MLIP: variants seen among roughly 807,000 people sequenced by gnomAD.
MLIP encodes muscular LMNA-interacting protein.
In MLIP, 79 loss-of-function variants were observed where a neutral mutation model predicts 84.8. The observed-to-expected ratio is 0.93, with a 90% CI of 0.78 to 1.12. The LOEUF (loss-of-function observed/expected upper bound fraction) is 1.12. MLIP is among the 50% of genes most tolerant of loss of function. The pLI is 0.00. For synonymous variants in MLIP, 504 were observed against 463.0 expected (o/e 1.09, Z -1.14); for missense variants, 1,257 against 1,160.6 (o/e 1.08, Z -1.21).
chr6:54,081,016 T>C (rs1008254440), intron 1 of MLIP, among the ~76,000 whole-genome samples: 2 of 152,162 alleles, frequency 1.3e-5, no homozygotes, highest in Non-Finnish European at 2.9e-5. Context: ...CTAAGATTCA[T>C]GATTTTATGA....
At chr6:54,038,469 ACT>A (rs1379641777) in intron 1 of MLIP, among the ~76,000 whole-genome samples, 7 of 150,796 alleles carry the variant, frequency 4.6e-5, no homozygotes, top group African/African-American at 7.3e-5. Context: ...TTTATTAAAA[ACT>A]CTGTTCTTTA....
intron 10 of MLIP, among the ~76,000 whole-genome samples, chr6:54,190,299 A>G (rs1425508349): frequency 6.6e-6 from 1 of 152,176 alleles, no homozygotes; most frequent in Non-Finnish European, 1.5e-5. Flanking sequence ...TAAGAAATAG[A>G]TATGTCACAC....
At chr6:54,167,433 T>C (rs1775310317) in intron 8 of MLIP, among the ~76,000 whole-genome samples, 1 of 151,868 alleles carries the variant, frequency 6.6e-6, no homozygotes, top group African/African-American at 2.4e-5. Context: ...TCAGTGATCA[T>C]TTTATAGTTT....
At chr6:54,160,316 C>T in intron 5 of MLIP, 51 bp from the exon 6 acceptor site, 1 of 1,439,854 alleles carries the variant, frequency 6.9e-7, no homozygotes, top group Non-Finnish European at 9.7e-7. Flanking sequence ...CTTTTCTACT[C>T]CAGTTGTATG....
At chr6:54,145,731 G>A (rs959493946) in intron 4 of MLIP, among the ~76,000 whole-genome samples, 5 of 151,446 alleles carry the variant, frequency 3.3e-5, no homozygotes, top group South Asian at 4.2e-4. Context: ...AGTTGTGATC[G>A]CACCATGGCT....
chr6:54,066,767 C>G (rs1164297165), intron 1 of MLIP, among the ~76,000 whole-genome samples: 1 of 99,214 alleles, frequency 1.0e-5, no homozygotes, highest in African/African-American at 2.6e-5. Flanking sequence ...CTGTGGGAAG[C>G]TACAGGGATA....
intron 12 of MLIP, among the ~76,000 whole-genome samples, chr6:54,245,168 G>A (rs1294418556): frequency 1.3e-5 from 2 of 152,130 alleles, no homozygotes; most frequent in South Asian, 2.1e-4. Context: ...TCCTTCGTGT[G>A]ATATGTTAAA....
intron 9 of MLIP, among the ~76,000 whole-genome samples, chr6:54,184,575 G>C (rs1777206966): frequency 6.6e-6 from 1 of 152,184 alleles, no homozygotes; most frequent in Admixed American, 6.5e-5. Flanking sequence ...CTCCAAAGCT[G>C]GCTTTGGGCA....
At chr6:54,146,710 G>A (rs185224912) in intron 4 of MLIP, among the ~76,000 whole-genome samples, 5 of 152,160 alleles carry the variant, frequency 3.3e-5, no homozygotes, top group Admixed American at 3.3e-4. Flanking sequence ...ACTTCTTATG[G>A]TAAGATTCTT....
chr6:54,225,522 T>C (rs995854123), intron 11 of MLIP, among the ~76,000 whole-genome samples: 1 of 152,194 alleles, frequency 6.6e-6, no homozygotes, highest in Non-Finnish European at 1.5e-5. Flanking sequence ...AATGCAAGCA[T>C]ATCTTCTAAA....
upstream of MLIP, among the ~76,000 whole-genome samples, chr6:54,107,800 G>A (rs574695470): frequency 2.0e-5 from 3 of 152,300 alleles, no homozygotes; most frequent in East Asian, 5.8e-4. Flanking sequence ...AATCGTGACT[G>A]GCACTCAATA....
At chr6:54,036,207 GT>G (rs1196240145) in intron 1 of MLIP, among the ~76,000 whole-genome samples, 1 of 148,814 alleles carries the variant, frequency 6.7e-6, no homozygotes, top group Admixed American at 6.8e-5. Flanking sequence ...AGTCTTGACA[GT>G]TTATTTTCCT....
At chr6:54,249,104 T>A (rs1782281377) in intron 12 of MLIP, among the ~76,000 whole-genome samples, 1 of 152,086 alleles carries the variant, frequency 6.6e-6, no homozygotes, top group Non-Finnish European at 1.5e-5. Flanking sequence ...GTGCAGGAGA[T>A]GCCATAAAGA....
chr6:54,155,178 G>T (rs910974701), intron 5 of MLIP, among the ~76,000 whole-genome samples: 8 of 152,028 alleles, frequency 5.3e-5, no homozygotes, highest in Non-Finnish European at 1.0e-4. Flanking sequence ...TTATATACCT[G>T]CAAGCTCCTT....
intron 10 of MLIP, among the ~76,000 whole-genome samples, chr6:54,192,043 A>T (rs1252680210): frequency 1.3e-5 from 2 of 150,966 alleles, no homozygotes; most frequent in Non-Finnish European, 3.0e-5. Flanking sequence ...TAGTAAAACA[A>T]CTCTTTGTGA....
At chr6:54,219,204 C>CA (rs571709771) in intron 11 of MLIP, among the ~76,000 whole-genome samples, 7 of 145,920 alleles carry the variant, frequency 4.8e-5, no homozygotes, top group Middle Eastern at 3.5e-3. Flanking sequence ...GACTCCGTCT[C>CA]AAAAAAAATA....
upstream of MLIP, among the ~76,000 whole-genome samples, chr6:54,111,152 C>A (rs1265607311): frequency 6.6e-6 from 1 of 152,180 alleles, no homozygotes; most frequent in Non-Finnish European, 1.5e-5. Flanking sequence ...CTCTTCTTTT[C>A]ACAGAATATA....
chr6:54,188,788 A>G (rs1056693219), intron 9 of MLIP, among the ~76,000 whole-genome samples: 3 of 149,874 alleles, frequency 2.0e-5, no homozygotes, highest in African/African-American at 7.4e-5. Context: ...CAAGACCCCC[A>G]AAACACAAGA....
intron 12 of MLIP, among the ~76,000 whole-genome samples, chr6:54,236,799 C>G (rs1246399407): frequency 6.6e-6 from 1 of 152,038 alleles, no homozygotes; most frequent in Non-Finnish European, 1.5e-5. Context: ...GTAAGCTACT[C>G]TTATGCTTGA....
Sources: gnomAD v4.1 joint callset for allele counts (sites outside exome capture counted in the v4.1 genomes callset) on GRCh38, gnomAD v4.1.1 for gene constraint, MANE v1.5 for transcripts, NCBI Gene and HGNC (gene_info 2026-07-23, HGNC 2026-07-21) for gene names.